PPP1R3E: variants seen among roughly 807,000 people sequenced by gnomAD.
PPP1R3E encodes protein phosphatase 1 regulatory subunit 3E.
In PPP1R3E, 20 loss-of-function variants were observed where a neutral mutation model predicts 18.5. That is an observed-to-expected ratio of 1.08 (90% CI 0.76 to 1.58). The LOEUF (loss-of-function observed/expected upper bound fraction) is 1.58. Ranked by LOEUF, PPP1R3E falls within the 40% of genes most tolerant of loss-of-function variation. The pLI, the probability that PPP1R3E is intolerant of heterozygous loss-of-function variation, is 0.00. For synonymous variants in PPP1R3E, 208 were observed against 208.1 expected, an observed-to-expected ratio of 1.00 and a Z score of 0.00; for missense variants, 498 against 460.2, an observed-to-expected ratio of 1.08 and a Z score of -0.75.
Position 23,301,460 on chromosome 14 carries a change from CG to C in PPP1R3E, c.815del (p.Pro272ArgfsTer67), listed in dbSNP as rs1170384432. On this transcript the variant is annotated frameshift_variant, in exon 2 of 5. Coordinates refer to ENST00000452015, the MANE Select transcript of PPP1R3E (RefSeq NM_001276318.2). LOFTEE classifies it high-confidence loss of function. ...EHPGSGGAPE[P>X]QGWIHFI ...CTCAGATAAAGTGGATCCAGCCCTG[CG>C]GCTCCGGAGCTCCGCCACTGCCCGG... The C allele has an allele frequency of 1.4e-6, 2 of 1,462,464 alleles. No homozygotes were observed. The highest frequency in any genetic ancestry group is 1.8e-6 in the Non-Finnish European group (2 of 1,111,158). 90.6% of individuals were successfully genotyped at this position (1,462,464 alleles called of 1,614,324 possible).
Position 23,296,569 on chromosome 14 carries a change from C to T in PPP1R3E, c.*2735G>A, listed in dbSNP as rs1299435244. ...CCCACTATGTTGCTCAGACTGGTCTCGAACTCCTGGGCTCAAGCAATGCTC... is the reference window on the plus strand; with the variant it reads ...CCCACTATGTTGCTCAGACTGGTCTTGAACTCCTGGGCTCAAGCAATGCTC... On this transcript the variant is annotated 3_prime_UTR_variant, in exon 5 of 5. Transcript: ENST00000452015. 2.0e-5 allele frequency: 3 copies of T among 152,260 alleles called. No individual in the cohort carries two copies. The highest frequency in any genetic ancestry group is 6.6e-5 in the Admixed American group (1 of 15,262). 9.4% of individuals were successfully genotyped at this position (152,260 alleles called of 1,614,324 possible).
rs1260612069 is a variant in PPP1R3E, at chr14:23,296,216, G to A, written c.*3088C>T. 2 of 152,240 alleles carry A rather than the reference G, an allele frequency of 1.3e-5. No homozygotes were observed. Among genetic ancestry groups the A allele is most frequent in the Non-Finnish European group, 2.9e-5 (2 of 68,050 alleles). 9.4% of individuals were successfully genotyped at this position (152,240 alleles called of 1,614,324 possible). On this transcript the variant is annotated 3_prime_UTR_variant, in exon 5 of 5. Transcript: ENST00000452015. ...CAACATCAACAAAAGTGCCAAAGCTGAGGACACAGAGAATACCATCATTGT... is the reference window on the plus strand; with the variant it reads ...CAACATCAACAAAAGTGCCAAAGCTAAGGACACAGAGAATACCATCATTGT...
rs1230833125 is a variant in PPP1R3E, at chr14:23,296,236, CATT to C, written c.*3065_*3067del. ...AAGCTGAGGACACAGAGAATACCAT[CATT>C]GTCTTTTGTTTCTCTTTATGCCTGG... On this transcript the variant is annotated 3_prime_UTR_variant, in exon 5 of 5. Transcript: ENST00000452015. The C allele has an allele frequency of 1.3e-5, 2 of 152,214 alleles. No homozygotes were observed. Among genetic ancestry groups the C allele is most frequent in the Admixed American group, 6.5e-5 (1 of 15,278 alleles). 9.4% of individuals were successfully genotyped at this position (152,214 alleles called of 1,614,324 possible).
At position 23,301,619 on chromosome 14, in the gene PPP1R3E, G is replaced by T; in HGVS notation, c.657C>A (p.Asp219Glu). The T allele has an allele frequency of 7.1e-7, 1 of 1,409,030 alleles. No homozygotes were observed. The highest frequency in any genetic ancestry group is 9.2e-7 in the Non-Finnish European group (1 of 1,082,744). The allele number at this position is 1,409,030 out of a possible 1,614,324, so 87.3% of individuals were successfully genotyped here. A position where few individuals can be genotyped will look rare whatever the true frequency, so the allele number is the denominator to read the frequency against. Reference sequence around the variant, plus strand: ...GCGCGGGCAGGCGGAAGGCGAAGCGGTCGGCGCGCGGCGGGGGCGGGGCCG... The same window carrying T: ...GCGCGGGCAGGCGGAAGGCGAAGCGTTCGGCGCGCGGCGGGGGCGGGGCCG... ...AGPAPPPPRA[D>E]RFAFRLPAPP... is the part of the protein sequence containing the mutation. The change falls in exon 2 of 5, where the codon GAC becomes GAA. Residue 219 changes from aspartate to glutamate, a missense_variant. By Grantham distance (45) the Asp-to-Glu change is conservative. Transcript: ENST00000452015.
Position 23,302,284 on chromosome 14 carries a change from A to C in PPP1R3E, c.293T>G (p.Leu98Arg). The change falls in exon 1 of 5, where the codon CTG becomes CGG. Residue 98 changes from leucine to arginine, a missense_variant. By Grantham distance (102) the Leu-to-Arg change is moderately radical. Coordinates refer to ENST00000452015, the MANE Select transcript of PPP1R3E (RefSeq NM_001276318.2). ...GGGACGGAAGCGGCGCACGACAGCC[A>C]GCTCCAACCCCAGTGCGTCGGCGAA... The part of the protein sequence containing the change: ...VRFADALGLE[L>R]AVVRRFRPGE... 6.6e-7 allele frequency: 1 copy of C among 1,521,856 alleles called. No homozygotes were observed. Among genetic ancestry groups the C allele is most frequent in the Non-Finnish European group, 8.8e-7 (1 of 1,142,234 alleles). 94.3% of individuals were successfully genotyped at this position (1,521,856 alleles called of 1,614,324 possible). A position where few individuals can be genotyped will look rare whatever the true frequency, so the allele number is the denominator to read the frequency against.
In PPP1R3E at chr14:23,301,432, C is replaced by T. The variant is rs977883232; in HGVS notation, c.*4G>A. The T allele has an allele frequency of 7.1e-7, 1 of 1,407,354 alleles. No individual in the cohort carries two copies. The highest frequency in any genetic ancestry group is 9.2e-7 in the Non-Finnish European group (1 of 1,082,972). 87.2% of individuals were successfully genotyped at this position (1,407,354 alleles called of 1,614,324 possible). ...TTTCCGCCGTCGGCCGCAGGCGCCT[C>T]GTCTCAGATAAAGTGGATCCAGCCC... is the stretch of plus-strand genomic sequence containing the variant. On this transcript the variant is annotated 3_prime_UTR_variant, in exon 2 of 5. Coordinates refer to ENST00000452015, the MANE Select transcript of PPP1R3E (RefSeq NM_001276318.2).
Position 23,302,350 on chromosome 14 carries a change from GCCCGGGCCCCGCCGCCT to G in PPP1R3E, c.210_226del (p.Gly71AlafsTer5). On this transcript the variant is annotated frameshift_variant, in exon 1 of 5. Coordinates refer to ENST00000452015, the MANE Select transcript of PPP1R3E (RefSeq NM_001276318.2). LOFTEE classifies it high-confidence loss of function. ...GGTGTCTGGGCTACGGCTGCGGGGC[GCCCGGGCCCCGCCGCCT>G]CCGGCTGGTGCAGATCGGGCCCGGC... is the stretch of plus-strand genomic sequence containing the variant. 6.7e-7 allele frequency: 1 copy of G among 1,498,986 alleles called. No individual in the cohort carries two copies. Among genetic ancestry groups the G allele is most frequent in the South Asian group, 1.3e-5 (1 of 79,958 alleles). The allele number at this position is 1,498,986 out of a possible 1,614,324, so 92.9% of individuals were successfully genotyped here. A position where few individuals can be genotyped will look rare whatever the true frequency, so the allele number is the denominator to read the frequency against.
Position 23,302,631 on chromosome 14 carries a change from T to C in PPP1R3E, c.-55A>G. On this transcript the variant is annotated 5_prime_UTR_variant, in exon 1 of 5. Coordinates refer to ENST00000452015, the MANE Select transcript of PPP1R3E (RefSeq NM_001276318.2). ...GCAGCGCCACCGCGCTCCCCTCTCT[T>C]CCTCTCTCCCGCCCGCCCCGCGTCA... The C allele has an allele frequency of 1.4e-6, 2 of 1,383,986 alleles. No homozygotes were observed. Among genetic ancestry groups the C allele is most frequent in the Non-Finnish European group, 1.9e-6 (2 of 1,075,720 alleles). The allele number at this position is 1,383,986 out of a possible 1,614,324, so 85.7% of individuals were successfully genotyped here.
In PPP1R3E at chr14:23,299,489, G is replaced by C. The variant is rs1247147847; in HGVS notation, c.*298C>G. The C allele has an allele frequency of 1.3e-5, 2 of 153,598 alleles. No homozygotes were observed. The highest frequency in any genetic ancestry group is 2.9e-5 in the Non-Finnish European group (2 of 68,188). 9.5% of individuals were successfully genotyped at this position (153,598 alleles called of 1,614,324 possible). Reference sequence around the variant, plus strand: ...AAGACTGTCAAGGAGCCCGAGTGAGGGAAGCAGACCAACCATGGTCTTGGA... The same window carrying C: ...AAGACTGTCAAGGAGCCCGAGTGAGCGAAGCAGACCAACCATGGTCTTGGA... On this transcript the variant is annotated 3_prime_UTR_variant, in exon 4 of 5. Transcript: ENST00000452015.
rs1234372348 is a variant in PPP1R3E at position 23,302,399 on chromosome 14, G to A, written c.178C>T (p.Arg60Trp). 3.4e-6 allele frequency: 5 copies of A among 1,487,760 alleles called. No individual in the cohort carries two copies. In the Admixed American group the frequency reaches 9.4e-5, roughly 28 times the overall value. 92.2% of individuals were successfully genotyped at this position (1,487,760 alleles called of 1,614,324 possible). ...GARSRAHAPS[R>W]GRRARSAPAG... ...GGTGCAGATCGGGCCCGGCGGCCCC[G>A]ACTCGGTGCGTGAGCGCGGGATCGG... Residue 60 changes from arginine to tryptophan, a missense_variant, in exon 1 of 5, where the codon CGG (arginine) becomes TGG (tryptophan). Transcript: ENST00000452015.
rs1165551362 is a variant in PPP1R3E, at chr14:23,297,949, G to GCC, written c.*1354_*1355insGG. On this transcript the variant is annotated 3_prime_UTR_variant, in exon 5 of 5. Transcript: ENST00000452015. ...GGCCCAAGCACAGACCCTCTAGCAGGTGTCCTAGTCACGGACCCAACCTAG... is the reference window on the plus strand; with the variant it reads ...GGCCCAAGCACAGACCCTCTAGCAGGCCTGTCCTAGTCACGGACCCAACCTAG... 6.6e-6 allele frequency: 1 copy of GCC among 152,210 alleles called. No homozygotes were observed. Among genetic ancestry groups the GCC allele is most frequent in the Admixed American group, 6.5e-5 (1 of 15,282 alleles). The allele number at this position is 152,210 out of a possible 1,614,324, so 9.4% of individuals were successfully genotyped here. A position where few individuals can be genotyped will look rare whatever the true frequency, so the allele number is the denominator to read the frequency against.
chr14:23,301,181 G>C (rs376803099), intron 2 of PPP1R3E, 117 bp downstream of exon 2: 1 of 390,118 alleles, frequency 2.6e-6, no homozygotes. Flanking sequence ...TATATTCTGA[G>C]TTCCTTCCAC....
chr14:23,299,744 C>T (rs1369604094), intron 3 of PPP1R3E: 5 of 151,172 alleles, frequency 3.3e-5, no homozygotes, highest in South Asian at 4.2e-4. Context: ...AAAGGAAAAA[C>T]AGCAACCAGC....
chr14:23,301,554 C>A lies in PPP1R3E; in HGVS notation c.722G>T (p.Arg241Leu). The A allele has an allele frequency of 2.0e-6, 3 of 1,484,210 alleles. No individual in the cohort carries two copies. Among genetic ancestry groups the A allele is most frequent in the Non-Finnish European group, 2.7e-6 (3 of 1,120,140 alleles). 91.9% of individuals were successfully genotyped at this position (1,484,210 alleles called of 1,614,324 possible). A position where few individuals can be genotyped will look rare whatever the true frequency, so the allele number is the denominator to read the frequency against. ...GTCCCAGAACTCGTGACCTGTCACACGGTAGCGCAAGGCGAAGAGCAGGGC... is the reference window on the plus strand; with the variant it reads ...GTCCCAGAACTCGTGACCTGTCACAAGGTAGCGCAAGGCGAAGAGCAGGGC... ...GGALLFALRY[R>L]VTGHEFWDNN... The change falls in exon 2 of 5, where the codon CGT becomes CTT. Residue 241 changes from arginine (R) to leucine (L), a missense_variant. By Grantham distance (102) the Arg-to-Leu change is moderately radical (BLOSUM62 -2). Coordinates refer to ENST00000452015, the MANE Select transcript of PPP1R3E (RefSeq NM_001276318.2).
Position 23,302,491 on chromosome 14 carries a change from CT to C in PPP1R3E, c.85del (p.Ser29AlafsTer130), listed in dbSNP as rs1486156096. 9 of 1,504,890 alleles carry C rather than the reference CT, an allele frequency of 6.0e-6. No individual in the cohort carries two copies. The East Asian group carries it at 2.4e-4, about 40-fold the overall frequency. The allele number at this position is 1,504,890 out of a possible 1,614,324, so 93.2% of individuals were successfully genotyped here. A position where few individuals can be genotyped will look rare whatever the true frequency, so the allele number is the denominator to read the frequency against. The stretch of plus-strand genomic sequence containing the variant: ...CTCCTCCTCGAGGCTGGGCCGCTGG[CT>C]ACGGTAGTAGGCGCGCTCCGTTAGC... ...AALTERAYYRSQRPSLEEEPE... is the reference protein window; with the variant it reads ...AALTERAYYRXQRPSLEEEPE... On this transcript the variant is annotated frameshift_variant, in exon 1 of 5. Transcript: ENST00000452015. LOFTEE classifies it high-confidence loss of function.
In PPP1R3E at chr14:23,301,467, G is replaced by C; in HGVS notation, c.809C>G (p.Pro270Arg). The C allele has an allele frequency of 6.8e-7, 1 of 1,462,760 alleles. No individual in the cohort carries two copies. Among genetic ancestry groups the C allele is most frequent in the Non-Finnish European group, 9.0e-7 (1 of 1,111,366 alleles). 90.6% of individuals were successfully genotyped at this position (1,462,760 alleles called of 1,614,324 possible). A position where few individuals can be genotyped will look rare whatever the true frequency, so the allele number is the denominator to read the frequency against. Residue 270 changes from proline (P) to arginine (R), a missense_variant, in exon 2 of 5, where the codon CCG (proline) becomes CGG (arginine). Transcript: ENST00000452015. ...GPEHPGSGGA[P>R]EPQGWIHFI The stretch of plus-strand genomic sequence containing the variant: ...AAAGTGGATCCAGCCCTGCGGCTCC[G>C]GAGCTCCGCCACTGCCCGGGTGCTC...
In PPP1R3E at chr14:23,302,556, C is replaced by CG; in HGVS notation, c.20dup (p.Thr9HisfsTer21). The CG allele has an allele frequency of 6.8e-7, 1 of 1,480,390 alleles. No individual in the cohort carries two copies. 91.7% of individuals were successfully genotyped at this position (1,480,390 alleles called of 1,614,324 possible). On this transcript the variant is annotated frameshift_variant, in exon 1 of 5. Coordinates refer to ENST00000452015, the MANE Select transcript of PPP1R3E (RefSeq NM_001276318.2). LOFTEE classifies it high-confidence loss of function. ...TCAGGTTGCGGGGAATGTCGGTGCC[C>CG]GGGGGCCGCTCACGGGACATGGCAG...
Position 23,302,344 on chromosome 14 carries a change from C to A in PPP1R3E, c.233G>T (p.Arg78Leu), listed in dbSNP as rs1887069061. ...CTTGCGGGTGTCTGGGCTACGGCTG[C>A]GGGGCGCCCGGGCCCCGCCGCCTCC... ...PAGGGGARAP[R>L]SRSPDTRKRV... Residue 78 changes from arginine to leucine, a missense_variant, in exon 1 of 5, where the codon CGC (arginine) becomes CTC (leucine). Transcript: ENST00000452015. The A allele has an allele frequency of 6.7e-7, 1 of 1,500,614 alleles. No individual in the cohort carries two copies. Among genetic ancestry groups the A allele is most frequent in the Non-Finnish European group, 8.8e-7 (1 of 1,134,680 alleles). 93.0% of individuals were successfully genotyped at this position (1,500,614 alleles called of 1,614,324 possible). A position where few individuals can be genotyped will look rare whatever the true frequency, so the allele number is the denominator to read the frequency against.
At position 23,302,258 on chromosome 14, in the gene PPP1R3E, C is replaced by A; in HGVS notation, c.319G>T (p.Gly107Cys). ...ELAVVRRFRP[G>C]ELPRVPRHVQ... ...TGGCGGGGCACCCGGGGCAGCTCAC[C>A]GGGACGGAAGCGGCGCACGACAGCC... The change falls in exon 1 of 5, where the codon GGT (glycine) becomes TGT (cysteine). Residue 107 changes from glycine (G) to cysteine (C), a missense_variant. Coordinates refer to ENST00000452015, the MANE Select transcript of PPP1R3E (RefSeq NM_001276318.2). 1 of 1,520,166 alleles carries A rather than the reference C, an allele frequency of 6.6e-7. No homozygotes were observed. The highest frequency in any genetic ancestry group is 1.2e-5 in the South Asian group (1 of 82,388). 94.2% of individuals were successfully genotyped at this position (1,520,166 alleles called of 1,614,324 possible).
Sources: gnomAD v4.1 joint callset for allele counts on GRCh38, gnomAD v4.1.1 for gene constraint, MANE v1.5 for transcripts, NCBI Gene and HGNC (gene_info 2026-07-23, HGNC 2026-07-21) for gene names.